The following BMPR1B variants were observed in gnomAD, a reference collection of about 807,000 sequenced individuals.
BMPR1B encodes bone morphogenetic protein receptor type-1B.
A neutral mutation model predicts 59.1 loss-of-function variants in BMPR1B; 12 were observed. That is an observed-to-expected ratio of 0.20 (90% CI 0.13 to 0.33). The LOEUF is 0.33. BMPR1B is among the 10% of genes least tolerant of loss of function. The pLI, the probability that BMPR1B is intolerant of heterozygous loss-of-function variation, is 1.00. For synonymous variants in BMPR1B, 237 were observed against 207.3 expected, an observed-to-expected ratio of 1.14 and a Z score of -1.23; for missense variants, 550 against 610.9, an observed-to-expected ratio of 0.90 and a Z score of 1.05.
At chr4:94,788,648 TC>T (rs898264183) in intron 1 of BMPR1B, among the ~76,000 whole-genome samples, 12 of 152,138 alleles carry the variant, frequency 7.9e-5, no homozygotes, top group African/African-American at 2.4e-4. Flanking sequence ...TAAATCTCTT[TC>T]TAGGCAAGTG....
chr4:94,898,588 G>A (rs996437474), intron 2 of BMPR1B, among the ~76,000 whole-genome samples: 16 of 152,044 alleles, frequency 1.1e-4, no homozygotes, highest in African/African-American at 3.4e-4. Context: ...CTTCCACCAT[G>A]ATTGTTAGCT....
chr4:95,058,378 C>T lies in BMPR1B; in HGVS notation c.-17-46030C>T, dbSNP rs565849542. On this transcript the variant is annotated intron_variant, in intron 3 of 12. Transcript: ENST00000515059. The stretch of plus-strand genomic sequence containing the variant: ...TGGTTCGTAGTTTTTTACTGCCGTA[C>T]AGTGTTCAGTGTTGCATAATGTCCC... Among the ~76,000 whole-genome samples, 5 of 152,248 alleles carry T rather than the reference C, an allele frequency of 3.3e-5. No individual in the cohort carries two copies. In the South Asian group the frequency reaches 8.3e-4, roughly 25 times the overall value.
intron 2 of BMPR1B, among the ~76,000 whole-genome samples, chr4:94,934,741 C>A (rs1245899221): frequency 6.6e-6 from 1 of 152,032 alleles, no homozygotes; most frequent in Non-Finnish European, 1.5e-5. Context: ...TTTCCCCCTG[C>A]AAAATAGGTT....
chr4:95,114,674 TCACA>T (rs1560664163), intron 4 of BMPR1B, 42 bp from the exon 5 acceptor site: 1 of 1,428,228 alleles, frequency 7.0e-7, no homozygotes, highest in East Asian at 2.3e-5. Context: ...ACACACTGAC[TCACA>T]CACACACATT....
Position 95,036,735 on chromosome 4 carries a change from A to G in BMPR1B, c.-18+40601A>G, listed in dbSNP as rs114230516. 7.4e-3 allele frequency among the ~76,000 whole-genome samples: 1,013 copies of G among 137,060 alleles called. 8 individuals carry two copies. The highest frequency in any genetic ancestry group is 0.025 in the African/African-American group (902 of 35,730). The allele number at this position is 137,060 out of a possible 152,430, so 89.9% of individuals were successfully genotyped here. A position where few individuals can be genotyped will look rare whatever the true frequency, so the allele number is the denominator to read the frequency against. On this transcript the variant is annotated intron_variant, in intron 3 of 12. Transcript: ENST00000515059. Reference sequence around the variant, plus strand: ...TTTTTTTTTTTTTTGATATTTACCTAGTAGTGAGATTGTTGGATTTTATGG... The same window carrying G: ...TTTTTTTTTTTTTTGATATTTACCTGGTAGTGAGATTGTTGGATTTTATGG...
intron 2 of BMPR1B, among the ~76,000 whole-genome samples, chr4:94,966,722 A>G (rs1730569455): frequency 6.6e-6 from 1 of 152,174 alleles, no homozygotes; most frequent in African/African-American, 2.4e-5. Context: ...AGAGTTTAGG[A>G]CTTAACTTTC....
At chr4:94,795,705 C>T (rs1339859418) in intron 1 of BMPR1B, among the ~76,000 whole-genome samples, 5 of 152,110 alleles carry the variant, frequency 3.3e-5, no homozygotes, top group African/African-American at 7.2e-5. Flanking sequence ...CTCAAGTGAT[C>T]CGCCCACCTT....
chr4:94,939,349 G>C (rs1235956654), intron 2 of BMPR1B, among the ~76,000 whole-genome samples: 2 of 152,052 alleles, frequency 1.3e-5, no homozygotes, highest in Non-Finnish European at 1.5e-5. Context: ...TTAAAATCAG[G>C]ATAATTAAAG....
At chr4:95,003,019 A>AT (rs1389887188) in intron 3 of BMPR1B, among the ~76,000 whole-genome samples, 1 of 151,472 alleles carries the variant, frequency 6.6e-6, no homozygotes, top group African/African-American at 2.4e-5. Flanking sequence ...AAGGATCTTG[A>AT]TTTTTTAAAT....
intron 1 of BMPR1B, among the ~76,000 whole-genome samples, chr4:94,840,200 TC>T (rs1725000396): frequency 6.8e-6 from 1 of 148,096 alleles, no homozygotes; most frequent in South Asian, 2.2e-4. Context: ...TAACATTTTT[TC>T]CTTCATTTCA....
At chr4:94,882,972 GTGTGTA>G (rs971516981) in intron 2 of BMPR1B, among the ~76,000 whole-genome samples, 9 of 132,428 alleles carry the variant, frequency 6.8e-5, no homozygotes, top group Admixed American at 1.6e-4. Flanking sequence ...GTGTGCGTGT[GTGTGTA>G]TGTGTGTGTG....
chr4:94,850,640 A>G (rs756325413), intron 1 of BMPR1B, among the ~76,000 whole-genome samples: 1 of 152,140 alleles, frequency 6.6e-6, no homozygotes, highest in Non-Finnish European at 1.5e-5. Flanking sequence ...CATCCTGTGC[A>G]TGAATCTTTT....
At chr4:94,933,286 T>C (rs1328203789) in intron 2 of BMPR1B, among the ~76,000 whole-genome samples, 1 of 152,108 alleles carries the variant, frequency 6.6e-6, no homozygotes, top group African/African-American at 2.4e-5. Context: ...CATTATATCA[T>C]AGTTTATTTA....
At chr4:95,083,031 C>G (rs13152580) in intron 3 of BMPR1B, among the ~76,000 whole-genome samples, 30,079 of 92,250 alleles carry the variant, frequency 0.33, 3,846 homozygotes, top group East Asian at 0.52. Context: ...GAGCAATACT[C>G]TGTCTCAAAA....
intron 3 of BMPR1B, among the ~76,000 whole-genome samples, chr4:95,034,693 C>T (rs929967101): frequency 2.0e-5 from 3 of 151,614 alleles, no homozygotes; most frequent in Admixed American, 6.6e-5. Context: ...GGCATTTGGG[C>T]TGGTTTTATA....
At chr4:94,814,526 G>A (rs547023081) in intron 1 of BMPR1B, among the ~76,000 whole-genome samples, 2 of 152,258 alleles carry the variant, frequency 1.3e-5, no homozygotes, top group South Asian at 4.2e-4. Context: ...GCTGAACTTA[G>A]GCACATTATT....
chr4:94,943,242 C>T (rs1044036232), intron 2 of BMPR1B, among the ~76,000 whole-genome samples: 6 of 151,900 alleles, frequency 3.9e-5, no homozygotes, highest in African/African-American at 7.3e-5. Flanking sequence ...CAGGTTCAAG[C>T]GCTTCTCCTG....
At chr4:94,938,715 A>G (rs763303663) in intron 2 of BMPR1B, among the ~76,000 whole-genome samples, 1 of 152,190 alleles carries the variant, frequency 6.6e-6, no homozygotes, top group Non-Finnish European at 1.5e-5. Context: ...AGCACATTAT[A>G]GTTTCCACTA....
chr4:94,765,852 A>G (rs1439605047), intron 1 of BMPR1B, among the ~76,000 whole-genome samples: 3 of 152,164 alleles, frequency 2.0e-5, no homozygotes, highest in Non-Finnish European at 2.9e-5. Context: ...GAGGGATCTT[A>G]TGGATGGCAG....
Sources: allele counts gnomAD v4.1 joint callset (sites outside exome capture counted in the v4.1 genomes callset), GRCh38; gene constraint gnomAD v4.1.1; transcripts MANE v1.5; gene names NCBI Gene and HGNC (gene_info 2026-07-23, HGNC 2026-07-21).